The following CD1A variants were observed in gnomAD, a reference collection of about 807,000 sequenced individuals.
The protein encoded by CD1A is CD1a molecule, also known as T-cell surface glycoprotein CD1a.
In CD1A, 50 loss-of-function variants were observed where a neutral mutation model predicts 38.3. The observed-to-expected ratio is 1.30, with a 90% CI of 1.04 to 1.65. The LOEUF (loss-of-function observed/expected upper bound fraction) is 1.65. CD1A is among the 40% of genes most tolerant of loss of function. CD1A has a pLI of 0.00. For missense variants in CD1A, 459 were observed against 406.1 expected (o/e 1.13, Z -1.12); for synonymous variants, 160 against 150.8 (o/e 1.06, Z -0.45).
Position 158,255,256 on chromosome 1 carries a change from T to A in CD1A, c.231T>A (p.Asn77Lys). The A allele has an allele frequency of 6.2e-7, 1 of 1,614,064 alleles. No homozygotes were observed. The highest frequency in any genetic ancestry group is 8.5e-7 in the Non-Finnish European group (1 of 1,179,994). The change falls in exon 2 of 6, where the codon AAT becomes AAA. Residue 77 changes from asparagine to lysine, a missense_variant. By Grantham distance (94) the Asn-to-Lys change is moderately conservative. Transcript: ENST00000289429. The stretch of plus-strand genomic sequence containing the variant: ...CCTGGTCCAGGGGAAACTTCAGCAA[T>A]GAGGAGTGGAAGGAACTGGAAACAT... ...LCPWSRGNFS[N>K]EEWKELETLF...
At chr1:158,249,581 TC>T (rs1406544374), upstream of CD1A, among the ~76,000 whole-genome samples, 3 of 152,328 alleles carry the variant, frequency 2.0e-5, no homozygotes, top group East Asian at 5.8e-4. Context: ...ACACAAAGAT[TC>T]AGAACATAGC....
Position 158,254,546 on chromosome 1 carries a change from CA to C in CD1A, c.-123del. 6.4e-7 allele frequency: 1 copy of C among 1,552,158 alleles called. No individual in the cohort carries two copies. The highest frequency in any genetic ancestry group is 2.3e-5 in the East Asian group (1 of 43,476). ...AGGAGTGGATTTTCTTTGTTGCAGT[CA>C]GGGGAGGTTTGTCTGTTGGCTGCAG... On this transcript the variant is annotated 5_prime_UTR_variant, in exon 1 of 6. Transcript: ENST00000289429.
chr1:158,249,012 A>G, the CD1A span, among the ~76,000 whole-genome samples: 19 of 152,274 alleles, frequency 1.2e-4, no homozygotes, highest in Non-Finnish European at 2.6e-4. Flanking sequence ...ATCTGTGCCC[A>G]ACTTCCTCTT....
At chr1:158,257,208 A>C in intron 4 of CD1A, 144 bp downstream of exon 4, 1 of 1,165,876 alleles carries the variant, frequency 8.6e-7, no homozygotes, top group South Asian at 1.6e-5. Context: ...GGAAATGTTG[A>C]AAATGAGGGC....
upstream of CD1A, among the ~76,000 whole-genome samples, chr1:158,250,140 TG>T (rs1650046275): frequency 6.6e-6 from 1 of 152,216 alleles, no homozygotes; most frequent in Non-Finnish European, 1.5e-5. Context: ...TGAAAGGTGA[TG>T]GCAGAAGGGG....
chr1:158,257,495 T>A lies in CD1A; in HGVS notation c.958T>A (p.Trp320Arg), dbSNP rs781274477. ...PLLLLIGLAL[W>R]FRKRCFC Reference sequence around the variant, plus strand: ...ACTTCTTCTGATAGGTCTTGCGCTTTGGTTCAGGAAACGCTGGTGAGTTCT... The same window carrying A: ...ACTTCTTCTGATAGGTCTTGCGCTTAGGTTCAGGAAACGCTGGTGAGTTCT... Residue 320 changes from tryptophan (W) to arginine (R), a missense_variant, in exon 5 of 6, where the codon TGG becomes AGG. By Grantham distance (101) the Trp-to-Arg change is moderately radical (BLOSUM62 -3). Transcript: ENST00000289429. The A allele has an allele frequency of 6.2e-7, 1 of 1,613,992 alleles. No homozygotes were observed. Among genetic ancestry groups the A allele is most frequent in the Middle Eastern group, 1.7e-4 (1 of 6,058 alleles).
upstream of CD1A, among the ~76,000 whole-genome samples, chr1:158,252,772 C>G (rs1650121256): frequency 6.6e-6 from 1 of 151,994 alleles, no homozygotes; most frequent in Non-Finnish European, 1.5e-5. Flanking sequence ...GTGGTGCATA[C>G]CTGTAATCCC....
upstream of CD1A, among the ~76,000 whole-genome samples, chr1:158,250,630 G>A (rs544294862): frequency 3.3e-5 from 5 of 152,206 alleles, no homozygotes; most frequent in East Asian, 5.8e-4. Flanking sequence ...TCAGTCATGC[G>A]GATGTCTTGT....
chr1:158,254,336 T>C (rs1571116891), upstream of CD1A: 5 of 1,176,148 alleles, frequency 4.3e-6, no homozygotes, highest in East Asian at 1.2e-4. Context: ...TATTGTATGA[T>C]TGAGAAAAAA....
chr1:158,250,759 G>T (rs1571113391), upstream of CD1A, among the ~76,000 whole-genome samples: 1 of 152,244 alleles, frequency 6.6e-6, no homozygotes, highest in African/African-American at 2.4e-5. Context: ...CCCTCATTTT[G>T]TTACCTTGGC....
chr1:158,250,446 C>T (rs568879050), upstream of CD1A, among the ~76,000 whole-genome samples: 2 of 152,124 alleles, frequency 1.3e-5, no homozygotes, highest in East Asian at 3.9e-4. Flanking sequence ...GGTTGCGTGC[C>T]CCATGAAGCA....
upstream of CD1A, among the ~76,000 whole-genome samples, chr1:158,253,600 A>T (rs1303724724): frequency 6.6e-6 from 1 of 152,200 alleles, no homozygotes; most frequent in African/African-American, 2.4e-5. Context: ...TCATTCATTC[A>T]TTTGACAAAT....
chr1:158,256,050 A>T lies in CD1A; in HGVS notation c.372A>T (p.Gly124=). 1 of 1,614,170 alleles carries T rather than the reference A, an allele frequency of 6.2e-7. No homozygotes were observed. ...CAGGAGGCTGTGAGCTGCACTCTGGAAAGGTCTCAGGAAGCTTCTTGCAGT... is the reference window on the plus strand; with the variant it reads ...CAGGAGGCTGTGAGCTGCACTCTGGTAAGGTCTCAGGAAGCTTCTTGCAGT... ...QVTGGCELHS[G]KVSGSFLQLA... is the part of the protein sequence containing the mutation. Residue 124 remains glycine, a synonymous_variant, in exon 3 of 6, where the codon GGA becomes GGT. Transcript: ENST00000289429.
In CD1A at chr1:158,255,231, C is replaced by T. The variant is rs773077647; in HGVS notation, c.206C>T (p.Pro69Leu). 3 of 1,614,096 alleles carry T rather than the reference C, an allele frequency of 1.9e-6. No homozygotes were observed. The South Asian group carries it at 3.3e-5, about 18-fold the overall frequency. Residue 69 changes from proline to leucine, a missense_variant, in exon 2 of 6, where the codon CCC becomes CTC. Coordinates refer to ENST00000289429, the MANE Select transcript of CD1A (RefSeq NM_001763.3). Reference protein sequence around the residue: ...SNSSTIVFLCPWSRGNFSNEE... With the variant: ...SNSSTIVFLCLWSRGNFSNEE... ...TCCAGCACCATCGTTTTCCTGTGCC[C>T]CTGGTCCAGGGGAAACTTCAGCAAT...
At chr1:158,253,118 C>T (rs1553254512), upstream of CD1A, among the ~76,000 whole-genome samples, 1 of 152,058 alleles carries the variant, frequency 6.6e-6, no homozygotes, top group Non-Finnish European at 1.5e-5. Context: ...TTTTTTCCCC[C>T]TAAATTAGCT....
At chr1:158,256,394 T>C in intron 3 of CD1A, 112 bp downstream of exon 3, 2 of 1,054,856 alleles carry the variant, frequency 1.9e-6, no homozygotes, top group South Asian at 3.1e-5. Flanking sequence ...AAAGGCTGGG[T>C]GCAGTGCCTC....
chr1:158,254,785 CTGTGTG>C (rs55696033), intron 1 of CD1A, 58 bp downstream of exon 1: 110,375 of 658,004 alleles, frequency 0.17, 6,325 homozygotes, highest in Admixed American at 0.23. Context: ...CTCTCTCTCT[CTGTGTG>C]TGTGTGTGTG....
upstream of CD1A, chr1:158,254,179 T>C: frequency 2.0e-6 from 2 of 996,632 alleles, no homozygotes; most frequent in Non-Finnish European, 2.4e-6. Flanking sequence ...AAATCAATGT[T>C]AAATCAGAAA....
At chr1:158,256,568 G>A (rs1039997102) in intron 3 of CD1A, among the ~76,000 whole-genome samples, 1 of 152,044 alleles carries the variant, frequency 6.6e-6, no homozygotes, top group Non-Finnish European at 1.5e-5. Flanking sequence ...TACTTAAGAG[G>A]CTGAGGCAGG....
Sources: gnomAD v4.1 joint callset for allele counts (sites outside exome capture counted in the v4.1 genomes callset) on GRCh38, gnomAD v4.1.1 for gene constraint, MANE v1.5 for transcripts, NCBI Gene and HGNC (gene_info 2026-07-23, HGNC 2026-07-21) for gene names.